The following NFIB variants were observed in gnomAD, a reference collection of about 807,000 sequenced individuals.
NFIB encodes nuclear factor 1 B-type.
NFIB carries 11 observed loss-of-function variants against 61.5 expected under a neutral mutation model. The observed-to-expected ratio is 0.18, with a 90% CI of 0.11 to 0.30. The LOEUF is 0.30. Ranked by LOEUF, NFIB falls within the 10% of genes least tolerant of loss-of-function variation. The pLI is 1.00. For synonymous variants in NFIB, 260 were observed against 216.5 expected (o/e 1.20, Z -1.76); for missense variants, 471 against 608.9 (o/e 0.77, Z 2.38).
At chr9:14,422,237 T>C in the NFIB span, among the ~76,000 whole-genome samples, 6 of 152,192 alleles carry the variant, frequency 3.9e-5, no homozygotes, top group Non-Finnish European at 8.8e-5. Flanking sequence ...TTATGGAAAC[T>C]TTCCTGCCTT....
chr9:14,513,516 T>C, the NFIB span, among the ~76,000 whole-genome samples: 1 of 151,598 alleles, frequency 6.6e-6, no homozygotes, highest in Non-Finnish European at 1.5e-5. Context: ...TAATCCTAGC[T>C]ACTCAAGAGG....
At chr9:14,448,357 G>C in the NFIB span, among the ~76,000 whole-genome samples, 1 of 152,048 alleles carries the variant, frequency 6.6e-6, no homozygotes, top group Non-Finnish European at 1.5e-5. Flanking sequence ...ATAATTATTG[G>C]CTGAAATAAG....
At chr9:14,280,827 C>T (rs1007515129) in intron 2 of NFIB, among the ~76,000 whole-genome samples, 3 of 152,264 alleles carry the variant, frequency 2.0e-5, no homozygotes, top group African/African-American at 7.2e-5. Context: ...AGGGAGACTA[C>T]AGACCGAACT....
In NFIB at chr9:14,085,048, T is replaced by C. The variant is rs1375648211; in HGVS notation, c.*3261A>G. ...GTTCACCTAATAGGTCAAAGATACA[T>C]GAAGAGCTTGGCTGAGATGATCTGT... On this transcript the variant is annotated 3_prime_UTR_variant, in exon 11 of 11. Transcript: ENST00000380953. 8.8e-6 allele frequency: 2 copies of C among 227,592 alleles called. No individual in the cohort carries two copies. The highest frequency in any genetic ancestry group is 5.7e-5 in the Admixed American group (1 of 17,554). 14.1% of individuals were successfully genotyped at this position (227,592 alleles called of 1,614,324 possible).
intron 3 of NFIB, among the ~76,000 whole-genome samples, chr9:14,167,689 A>G (rs1007184870): frequency 1.3e-5 from 2 of 152,234 alleles, no homozygotes; most frequent in Non-Finnish European, 2.9e-5. Context: ...CCACAGCACA[A>G]AAAGAATCAC....
chr9:14,526,143 C>T, the NFIB span, among the ~76,000 whole-genome samples: 2 of 151,996 alleles, frequency 1.3e-5, no homozygotes, highest in African/African-American at 4.8e-5. Flanking sequence ...TGCTCATAAA[C>T]ATATCCATTA....
chr9:14,231,004 G>A (rs1049767166), intron 2 of NFIB, among the ~76,000 whole-genome samples: 4 of 150,938 alleles, frequency 2.7e-5, no homozygotes, highest in African/African-American at 7.3e-5. Context: ...CGCAAGATGA[G>A]TAACTGAGGA....
rs1432245299 is a variant in NFIB, at chr9:14,313,012, G to A, written c.30+470C>T. Reference sequence around the variant, plus strand: ...CCCACCGCCTGCAGCGCAGTCCAGCGGCGCCCACACAGACTCGTGCTACAG... The same window carrying A: ...CCCACCGCCTGCAGCGCAGTCCAGCAGCGCCCACACAGACTCGTGCTACAG... On this transcript the variant is annotated intron_variant, in intron 1 of 10. Coordinates refer to ENST00000380953, the MANE Select transcript of NFIB (RefSeq NM_001190737.2). The surrounding 1 kb of genome is among the most constrained non-coding windows in gnomAD (Gnocchi z 4.5). Among the ~76,000 whole-genome samples, 3 of 152,198 alleles carry A rather than the reference G, an allele frequency of 2.0e-5. No individual in the cohort carries two copies. Among genetic ancestry groups the A allele is most frequent in the African/African-American group, 7.2e-5 (3 of 41,466 alleles).
At chr9:14,114,263 C>A (rs1450704158) in intron 9 of NFIB, among the ~76,000 whole-genome samples, 1 of 152,284 alleles carries the variant, frequency 6.6e-6, no homozygotes, top group East Asian at 1.9e-4. Context: ...AGGCAGCCAT[C>A]AGCAACCAGT....
At chr9:14,287,386 G>A (rs906726495) in intron 2 of NFIB, among the ~76,000 whole-genome samples, 12 of 150,398 alleles carry the variant, frequency 8.0e-5, no homozygotes, top group African/African-American at 2.9e-4. Context: ...CTGAGATCAC[G>A]CCACTGCACT....
chr9:14,293,466 A>G (rs2059229578), intron 2 of NFIB, among the ~76,000 whole-genome samples: 1 of 152,206 alleles, frequency 6.6e-6, no homozygotes, highest in Non-Finnish European at 1.5e-5. Context: ...AAAACTCAAC[A>G]ATAATAAAGA....
At chr9:14,188,947 G>A (rs7018901) in intron 2 of NFIB, among the ~76,000 whole-genome samples, 8,063 of 152,174 alleles carry the variant, frequency 0.053, 713 homozygotes, top group African/African-American at 0.18. Context: ...AAGGCAAATC[G>A]AAAAATCAAT....
At chr9:14,382,155 G>T (rs2061495385) in intron 1 of NFIB, among the ~76,000 whole-genome samples, 1 of 152,182 alleles carries the variant, frequency 6.6e-6, no homozygotes, top group Non-Finnish European at 1.5e-5. Flanking sequence ...GTCACTACTA[G>T]CTGAATTGTT....
At chr9:14,343,179 G>A (rs1160025130) in intron 1 of NFIB, among the ~76,000 whole-genome samples, 2 of 152,164 alleles carry the variant, frequency 1.3e-5, no homozygotes, top group Non-Finnish European at 2.9e-5. Flanking sequence ...TCTTCTGACA[G>A]TTGAAATTTC....
the NFIB span, among the ~76,000 whole-genome samples, chr9:14,472,013 T>C: frequency 6.6e-6 from 1 of 152,234 alleles, no homozygotes; most frequent in South Asian, 2.1e-4. Flanking sequence ...TCCCTTGCTC[T>C]TTAGACTGCC....
chr9:14,353,490 G>C (rs917063327), intron 1 of NFIB, among the ~76,000 whole-genome samples: 6 of 152,164 alleles, frequency 3.9e-5, no homozygotes, highest in Non-Finnish European at 8.8e-5. Context: ...CTGAGAATCT[G>C]AGCATGAGGA....
chr9:14,221,843 A>G (rs557441299), intron 2 of NFIB, among the ~76,000 whole-genome samples: 6 of 152,320 alleles, frequency 3.9e-5, no homozygotes, highest in Admixed American at 3.9e-4. Flanking sequence ...TAAACTGCAT[A>G]GTTGGCAAAG....
chr9:14,398,382 A>C (rs575257076), intron 1 of NFIB: 49 of 597,298 alleles, frequency 8.2e-5, no homozygotes, highest in Non-Finnish European at 1.4e-4. Flanking sequence ...TAGTCGCTCT[A>C]CATTGGAAAA....
chr9:14,208,019 G>C (rs2049924753), intron 2 of NFIB, among the ~76,000 whole-genome samples: 2 of 152,174 alleles, frequency 1.3e-5, no homozygotes, highest in African/African-American at 4.8e-5. Flanking sequence ...TCAGCATGAT[G>C]ACTTGAAAAG....
Sources: allele counts gnomAD v4.1 joint callset (sites outside exome capture counted in the v4.1 genomes callset), GRCh38; gene constraint gnomAD v4.1.1; non-coding constraint Gnocchi (gnomAD v3.1); transcripts MANE v1.5; gene names NCBI Gene and HGNC (gene_info 2026-07-23, HGNC 2026-07-21).